Variants in REEP5 observed in about 807,000 individuals in gnomAD.
REEP5 encodes receptor accessory protein 5.
Under a neutral mutation model 22.4 loss-of-function variants are expected in REEP5, and 24 were observed. The ratio of observed to expected loss-of-function variants is 1.07; its 90% CI spans 0.78 to 1.51. The LOEUF is 1.51. Among genes scored for constraint, REEP5 ranks in the 40% most tolerant of loss-of-function variants. The pLI is 0.00. For synonymous variants in REEP5, 103 were observed against 88.6 expected (o/e 1.16, Z -0.92); for missense variants, 252 against 233.0 (o/e 1.08, Z -0.53).
At chr5:112,885,793 G>C in intron 4 of REEP5, 1 of 236,982 alleles carries the variant, frequency 4.2e-6, no homozygotes, top group Non-Finnish European at 8.8e-6. Flanking sequence ...CTGAGACAGA[G>C]AGCCAAGCTA....
rs755907382 is a variant in REEP5 at position 112,892,072 on chromosome 5, C to G, written c.352-4889G>C. 3.1e-6 allele frequency: 5 copies of G among 1,593,418 alleles called. No individual in the cohort carries two copies. The African/African-American group carries it at 5.4e-5, about 17-fold the overall frequency. On this transcript the variant is annotated intron_variant, in intron 3 of 4. Transcript: ENST00000379638. ...AAAAGAGGAAGCTGTGCAGAAGATG[C>G]TGGATCAGGCTGAAAATGATTTAGA...
chr5:112,894,289 T>G (rs1197970986), intron 3 of REEP5: 1 of 152,208 alleles, frequency 6.6e-6, no homozygotes, highest in Non-Finnish European at 1.5e-5. Context: ...CCAGCTAATT[T>G]TTTGTATTTT....
At chr5:112,904,481 A>G (rs1188505136) in intron 2 of REEP5, among the ~76,000 whole-genome samples, 7 of 152,220 alleles carry the variant, frequency 4.6e-5, no homozygotes, top group Non-Finnish European at 8.8e-5. Context: ...AGTTTTGTGA[A>G]CGCAATAGCT....
At position 112,922,154 on chromosome 5, in the gene REEP5, G is replaced by A; in HGVS notation, c.37C>T (p.Leu13=). The A allele has an allele frequency of 1.2e-6, 2 of 1,608,440 alleles. No individual in the cohort carries two copies. The highest frequency in any genetic ancestry group is 1.7e-6 in the Non-Finnish European group (2 of 1,177,536). The change falls in exon 1 of 5, where the codon CTG becomes TTG. Residue 13 remains leucine (L), a synonymous_variant. Transcript: ENST00000379638. ...TCAGTCATGCAGTTCTTCTCGTGCA[G>A]GAACCGGTCGAACCTCTCCCTCATG... ...AAMRERFDRF[L]HEKNCMTDLL... is the part of the protein sequence containing the mutation.
chr5:112,878,749 G>A lies in REEP5; in HGVS notation c.*37C>T, dbSNP rs1443901137. The A allele has an allele frequency of 2.5e-6, 4 of 1,612,788 alleles. No individual in the cohort carries two copies. The highest frequency in any genetic ancestry group is 3.4e-6 in the Non-Finnish European group (4 of 1,179,624). The stretch of plus-strand genomic sequence containing the variant: ...ATATAACATCAAGCTCCAGTAGGAA[G>A]GTACAGAGAGGGCAGGAAGTTTCCA... On this transcript the variant is annotated 3_prime_UTR_variant, in exon 5 of 5. Transcript: ENST00000379638.
intron 2 of REEP5, among the ~76,000 whole-genome samples, chr5:112,914,334 G>T: frequency 6.6e-6 from 1 of 150,514 alleles, no homozygotes; most frequent in South Asian, 2.2e-4. Flanking sequence ...CCACAGCCTT[G>T]ACTTTCTCAA....
chr5:112,901,704 T>A (rs1768851423), intron 3 of REEP5, among the ~76,000 whole-genome samples: 2 of 140,792 alleles, frequency 1.4e-5, no homozygotes, highest in African/African-American at 5.3e-5. Context: ...AGACCAAGAG[T>A]CCATCTCAGA....
intron 4 of REEP5, 147 bp from the exon 5 acceptor site, chr5:112,878,982 T>C (rs1173565625): frequency 1.0e-5 from 13 of 1,300,578 alleles, no homozygotes; most frequent in Non-Finnish European, 1.4e-5. Flanking sequence ...GTTTGTGGTC[T>C]GGGCTAAGAG....
At position 112,878,737 on chromosome 5, in the gene REEP5, C is replaced by T. The variant is rs368437325; in HGVS notation, c.*49G>A. On this transcript the variant is annotated 3_prime_UTR_variant, in exon 5 of 5. Transcript: ENST00000379638. Reference sequence around the variant, plus strand: ...CCACAGTCCCTAATATAACATCAAGCTCCAGTAGGAAGGTACAGAGAGGGC... The same window carrying T: ...CCACAGTCCCTAATATAACATCAAGTTCCAGTAGGAAGGTACAGAGAGGGC... 4.5e-5 allele frequency: 72 copies of T among 1,607,406 alleles called. No individual in the cohort carries two copies. In the African/African-American group the frequency reaches 8.3e-4, roughly 19 times the overall value.
intron 3 of REEP5, chr5:112,896,448 G>A (rs150324831): frequency 0.012 from 1,792 of 152,280 alleles, 9 homozygotes; most frequent in Middle Eastern, 0.037. Flanking sequence ...GCTTGAATGC[G>A]GGAAGTACAG....
In REEP5 at chr5:112,877,528, A is replaced by G. The variant is rs1389767316; in HGVS notation, c.*1258T>C. 3.9e-5 allele frequency: 6 copies of G among 152,198 alleles called. No homozygotes were observed. Among genetic ancestry groups the G allele is most frequent in the Non-Finnish European group, 5.9e-5 (4 of 68,026 alleles). 9.4% of individuals were successfully genotyped at this position (152,198 alleles called of 1,614,324 possible). On this transcript the variant is annotated 3_prime_UTR_variant, in exon 5 of 5. Coordinates refer to ENST00000379638, the MANE Select transcript of REEP5 (RefSeq NM_005669.5). The stretch of plus-strand genomic sequence containing the variant: ...ACTATGTAGTCATGTGCAGCTTATC[A>G]ACACAAAGAATACGGATGAGGGCAT...
chr5:112,877,329 CTG>C lies in REEP5; in HGVS notation c.*1455_*1456del, dbSNP rs1767928323. On this transcript the variant is annotated 3_prime_UTR_variant, in exon 5 of 5. Coordinates refer to ENST00000379638, the MANE Select transcript of REEP5 (RefSeq NM_005669.5). ...TTTGCCTTAAAAAATACTGTACTGG[CTG>C]GATATTTAATCTTGTTAGTTTAGTT... The C allele has an allele frequency of 6.6e-6, 1 of 152,254 alleles. No homozygotes were observed. The allele number at this position is 152,254 out of a possible 1,614,324, so 9.4% of individuals were successfully genotyped here.
At chr5:112,915,517 G>A (rs1769212699) in intron 2 of REEP5, among the ~76,000 whole-genome samples, 1 of 152,180 alleles carries the variant, frequency 6.6e-6, no homozygotes, top group Admixed American at 6.5e-5. Context: ...GTAATGTTAA[G>A]TGAAACAAGG....
intron 3 of REEP5, chr5:112,898,202 C>T (rs780855733): frequency 2.6e-5 from 4 of 152,204 alleles, no homozygotes; most frequent in Non-Finnish European, 4.4e-5. Context: ...CTCCTACAGA[C>T]GAGACTCTGC....
At position 112,892,997 on chromosome 5, in the gene REEP5, A is replaced by C. The variant is rs756595769; in HGVS notation, c.352-5814T>G. 5 of 1,578,264 alleles carry C rather than the reference A, an allele frequency of 3.2e-6. No individual in the cohort carries two copies. In the East Asian group the frequency reaches 9.0e-5, roughly 29 times the overall value. On this transcript the variant is annotated intron_variant, in intron 3 of 4. Transcript: ENST00000379638. ...CGCAGGAGCCACCGCAGCCGGAGCC[A>C]AAGTTCCTCTAGGTGCCGAAGTCGT... is the stretch of plus-strand genomic sequence containing the variant.
intron 3 of REEP5, among the ~76,000 whole-genome samples, 161 bp downstream of exon 3, chr5:112,902,218 GT>G (rs1028982682): frequency 0.019 from 1,752 of 94,292 alleles, 25 homozygotes; most frequent in Non-Finnish European, 0.018. Flanking sequence ...GCATTTTTTT[GT>G]TTTTGTTTTT....
chr5:112,889,755 A>AG (rs1179864988), intron 3 of REEP5, among the ~76,000 whole-genome samples: 1 of 150,200 alleles, frequency 6.7e-6, no homozygotes, highest in Non-Finnish European at 1.5e-5. Flanking sequence ...CTGAGGTTGG[A>AG]GGATCACATG....
At chr5:112,882,269 C>A (rs1293983600) in intron 4 of REEP5, among the ~76,000 whole-genome samples, 1 of 152,096 alleles carries the variant, frequency 6.6e-6, no homozygotes, top group African/African-American at 2.4e-5. Flanking sequence ...CCCACTCAGC[C>A]ACCATCACCT....
At chr5:112,906,055 C>T (rs775561951) in intron 2 of REEP5, among the ~76,000 whole-genome samples, 7 of 152,168 alleles carry the variant, frequency 4.6e-5, no homozygotes, top group Non-Finnish European at 5.9e-5. Context: ...AAAGAGGTAG[C>T]AATTTAGGCA....
Sources: gnomAD v4.1 joint callset for allele counts (sites outside exome capture counted in the v4.1 genomes callset) on GRCh38, gnomAD v4.1.1 for gene constraint, MANE v1.5 for transcripts, NCBI Gene and HGNC (gene_info 2026-07-23, HGNC 2026-07-21) for gene names.